Variants in INAVA observed in about 807,000 individuals in gnomAD.
INAVA encodes the protein innate immunity activator, also known as innate immunity activator protein.
In INAVA, 32 loss-of-function variants were observed where a neutral mutation model predicts 55.3. The ratio of observed to expected loss-of-function variants is 0.58; its 90% CI spans 0.44 to 0.78. The LOEUF is 0.78. INAVA is among the 30% of genes least tolerant of loss of function. The probability of loss-of-function intolerance (pLI) is 0.00; values close to 1 mark genes in which losing one functional copy is unlikely to be tolerated. For synonymous variants in INAVA, 294 were observed against 329.4 expected, an observed-to-expected ratio of 0.89 and a Z score of 1.16; for missense variants, 756 against 786.4, an observed-to-expected ratio of 0.96 and a Z score of 0.46.
intron 7 of INAVA, 137 bp downstream of exon 7, chr1:200,909,077 T>A: frequency 7.8e-7 from 1 of 1,289,742 alleles, no homozygotes; most frequent in Non-Finnish European, 1.1e-6. Context: ...GGGATGGAGG[T>A]GTGAGCCTTG....
intron 6 of INAVA, 139 bp downstream of exon 6, chr1:200,908,026 A>G (rs897079367): frequency 3.3e-6 from 2 of 610,912 alleles, no homozygotes; most frequent in African/African-American, 3.6e-5. Context: ...CTTGGACTTC[A>G]TGTCAATTTC....
chr1:200,900,995 C>T lies in INAVA; in HGVS notation c.356C>T (p.Ala119Val). ...LALQLQITEAARRLCLEENLS... is the reference protein window; with the variant it reads ...LALQLQITEAVRRLCLEENLS... ...CTGCAGCTGCAGATCACAGAGGCAG[C>T]CCGTCGGCTGTGCCTGGAGGAGAAC... Residue 119 changes from alanine to valine, a missense_variant, in exon 5 of 10, where the codon GCC becomes GTC. Transcript: ENST00000413687. 6.4e-7 allele frequency: 1 copy of T among 1,553,576 alleles called. No individual in the cohort carries two copies. Among genetic ancestry groups the T allele is most frequent in the African/African-American group, 1.4e-5 (1 of 73,276 alleles).
chr1:200,911,131 CTTTAAAAAAAGTACTTAATGTAG>C (rs1653700612), intron 8 of INAVA, among the ~76,000 whole-genome samples: 1 of 24,620 alleles, frequency 4.1e-5, no homozygotes, highest in Non-Finnish European at 7.5e-5. Flanking sequence ...TAATGTAGTA[CTTTAAAAAAAGTACTTAATGTAG>C]TACTTTAAAA....
intron 1 of INAVA, among the ~76,000 whole-genome samples, chr1:200,896,034 T>A (rs533180784): frequency 6.6e-6 from 1 of 152,036 alleles, no homozygotes. Flanking sequence ...AGTCAGAGAC[T>A]GGGCTGAGCT....
At chr1:200,900,812 C>T in intron 4 of INAVA, 125 bp from the exon 5 acceptor site, 1 of 671,724 alleles carries the variant, frequency 1.5e-6, no homozygotes, top group Non-Finnish European at 2.4e-6. Flanking sequence ...GTGCTGCTGT[C>T]TGCCTCTCTT....
chr1:200,901,614 G>T (rs1406809930), intron 5 of INAVA, among the ~76,000 whole-genome samples: 1 of 152,232 alleles, frequency 6.6e-6, no homozygotes, highest in African/African-American at 2.4e-5. Flanking sequence ...GCAGCAAAGG[G>T]TTTGACGATT....
At chr1:200,909,017 C>T in intron 7 of INAVA, 77 bp downstream of exon 7, 1 of 1,448,674 alleles carries the variant, frequency 6.9e-7, no homozygotes, top group African/African-American at 1.4e-5. Context: ...TGGCTATAGG[C>T]TGGGCAGATG....
intron 5 of INAVA, 144 bp from the exon 6 acceptor site, chr1:200,907,690 A>C: frequency 1.8e-6 from 1 of 569,746 alleles, no homozygotes; most frequent in Non-Finnish European, 3.1e-6. Context: ...CCCAATGTGT[A>C]TTTAGCACAC....
At chr1:200,908,038 G>A (rs573132105) in intron 6 of INAVA, 151 bp downstream of exon 6, 24 of 579,354 alleles carry the variant, frequency 4.1e-5, no homozygotes, top group South Asian at 2.3e-4. Context: ...GTCAATTTCC[G>A]CATGTCCTTG....
chr1:200,908,055 C>A (rs1012440445), intron 6 of INAVA, 168 bp downstream of exon 6: 1 of 537,842 alleles, frequency 1.9e-6, no homozygotes, highest in Non-Finnish European at 3.4e-6. Flanking sequence ...CTTGCACATG[C>A]TCAGTTGAAG....
At chr1:200,911,296 T>C (rs1653710662) in intron 8 of INAVA, among the ~76,000 whole-genome samples, 157 bp from the exon 9 acceptor site, 1 of 151,914 alleles carries the variant, frequency 6.6e-6, no homozygotes, top group Admixed American at 6.6e-5. Flanking sequence ...GGTTTGTTGG[T>C]TTGCTTTGGG....
intron 6 of INAVA, chr1:200,908,153 C>G: frequency 2.6e-6 from 1 of 387,428 alleles, no homozygotes; most frequent in Non-Finnish European, 4.7e-6. Flanking sequence ...CTGATCAACC[C>G]CAGATGTCCC....
At chr1:200,908,695 C>A in intron 6 of INAVA, 35 bp from the exon 7 acceptor site, 1 of 1,506,504 alleles carries the variant, frequency 6.6e-7, no homozygotes, top group Non-Finnish European at 8.9e-7. Context: ...GTTCCCCCAG[C>A]CTCTGGCCTT....
intron 5 of INAVA, among the ~76,000 whole-genome samples, chr1:200,901,744 C>A (rs547193554): frequency 4.6e-5 from 7 of 152,312 alleles, no homozygotes; most frequent in South Asian, 4.1e-4. Flanking sequence ...CTACAACCAC[C>A]CTGGTCAAGG....
intron 2 of INAVA, among the ~76,000 whole-genome samples, chr1:200,898,980 A>C (rs567374272): frequency 8.0e-4 from 122 of 152,272 alleles, no homozygotes; most frequent in Non-Finnish European, 1.4e-3. Flanking sequence ...CTCCGTCTCA[A>C]AAAAAATATA....
At chr1:200,909,964 C>G (rs1275270215) in intron 8 of INAVA, among the ~76,000 whole-genome samples, 3 of 152,100 alleles carry the variant, frequency 2.0e-5, no homozygotes, top group Non-Finnish European at 4.4e-5. Context: ...AACTCATGGC[C>G]AACAGCACTG....
At chr1:200,903,823 A>AG (rs1653372501) in intron 5 of INAVA, among the ~76,000 whole-genome samples, 1 of 149,184 alleles carries the variant, frequency 6.7e-6, no homozygotes, top group Non-Finnish European at 1.5e-5. Flanking sequence ...AAAAAAAAAA[A>AG]GGGAAAAAAG....
Position 200,908,820 on chromosome 1 carries a change from C to A in INAVA, c.665C>A (p.Thr222Lys). The A allele has an allele frequency of 6.2e-7, 1 of 1,613,976 alleles. No homozygotes were observed. The highest frequency in any genetic ancestry group is 8.5e-7 in the Non-Finnish European group (1 of 1,179,918). Residue 222 changes from threonine (T) to lysine (K), a missense_variant, in exon 7 of 10, where the codon ACA (threonine) becomes AAA (lysine). Physicochemically the swap from Thr to Lys is moderately conservative, Grantham distance 78. This residue lies in a region of INAVA where 639 missense variants were observed against 624.3 expected (regional missense o/e 1.02). Coordinates refer to ENST00000413687, the MANE Select transcript of INAVA (RefSeq NM_001142569.3). ...PPQTLEGLQP[T>K]GPEAGSPERA... Reference sequence around the variant, plus strand: ...CAAACCCTTGAGGGTCTGCAGCCAACAGGACCTGAGGCTGGGAGCCCAGAA... The same window carrying A: ...CAAACCCTTGAGGGTCTGCAGCCAAAAGGACCTGAGGCTGGGAGCCCAGAA...
intron 5 of INAVA, among the ~76,000 whole-genome samples, chr1:200,904,196 C>A (rs980239070): frequency 1.3e-5 from 2 of 151,732 alleles, no homozygotes; most frequent in African/African-American, 4.8e-5. Context: ...TTAAGCGATT[C>A]TCCTGCCTCA....
Sources: gnomAD v4.1 joint callset for allele counts (sites outside exome capture counted in the v4.1 genomes callset) on GRCh38, gnomAD v4.1.1 for gene constraint, gnomAD v4.1.1 regional missense constraint, MANE v1.5 for transcripts, NCBI Gene and HGNC (gene_info 2026-07-23, HGNC 2026-07-21) for gene names.